HR: variants seen among roughly 807,000 people sequenced by gnomAD.
HR encodes HR lysine demethylase and nuclear receptor corepressor.
Under a neutral mutation model 128.6 loss-of-function variants are expected in HR, and 83 were observed. That is an observed-to-expected ratio of 0.65 (90% CI 0.54 to 0.77). HR has a LOEUF of 0.77. HR is among the 30% of genes least tolerant of loss of function. The pLI is 0.00. For synonymous variants in HR, 681 were observed against 658.2 expected (o/e 1.03, Z -0.53); for missense variants, 1,490 against 1,574.6 (o/e 0.95, Z 0.91).
chr8:22,125,656 C>G lies in HR; in HGVS notation c.1482G>C (p.Leu494=). The change falls in exon 4 of 19, where the codon CTG becomes CTC. Residue 494 remains leucine (L), a synonymous_variant. Transcript: ENST00000381418. ...DIPCLALPAK[L]AQCQSCAQAA... The stretch of plus-strand genomic sequence containing the variant: ...CCTGGGCACAACTTTGGCATTGAGC[C>G]AGTTTTGCAGGGAGAGCCAGGCATG... 6.2e-7 allele frequency: 1 copy of G among 1,613,360 alleles called. No individual in the cohort carries two copies. Among genetic ancestry groups the G allele is most frequent in the Non-Finnish European group, 8.5e-7 (1 of 1,179,822 alleles).
At position 22,120,483 on chromosome 8, in the gene HR, T is replaced by C; in HGVS notation, c.2635A>G (p.Arg879Gly). 6.2e-7 allele frequency: 1 copy of C among 1,613,932 alleles called. No homozygotes were observed. The highest frequency in any genetic ancestry group is 8.5e-7 in the Non-Finnish European group (1 of 1,180,014). Residue 879 changes from arginine (R) to glycine (G), a missense_variant, in exon 12 of 19, where the codon AGG (arginine) becomes GGG (glycine). Around this residue, in one of 3 missense-constraint regions of HR, gnomAD observed 423 missense variants for 495.9 expected, o/e 0.85. Coordinates refer to ENST00000381418, the MANE Select transcript of HR (RefSeq NM_005144.5). Reference protein sequence around the residue: ...GQPVLVSGIQRTLQGNLWGTE... With the variant: ...GQPVLVSGIQGTLQGNLWGTE... Reference sequence around the variant, plus strand: ...CCCCACAGGTTGCCCTGCAATGTCCTTTGGATCCCTGACACCAACACAGGC... The same window carrying C: ...CCCCACAGGTTGCCCTGCAATGTCCCTTGGATCCCTGACACCAACACAGGC...
chr8:22,128,931 G>A lies in HR; in HGVS notation c.240C>T (p.Gly80=), dbSNP rs1033511137. Residue 80 remains glycine, a synonymous_variant, in exon 2 of 19, where the codon GGC becomes GGT. Transcript: ENST00000381418. Reference sequence around the variant, plus strand: ...TGACCTTCCTCTCCCCATTCTGGGGGCCCTCGCCCTCCACAAGTGGGAGCA... The same window carrying A: ...TGACCTTCCTCTCCCCATTCTGGGGACCCTCGCCCTCCACAAGTGGGAGCA... ...KDMLPLVEGE[G]PQNGERKVNW... The A allele has an allele frequency of 6.2e-7, 1 of 1,613,480 alleles. No individual in the cohort carries two copies. The highest frequency in any genetic ancestry group is 1.7e-5 in the Admixed American group (1 of 60,028).
chr8:22,115,284 G>C lies in HR; in HGVS notation c.*416C>G, dbSNP rs1826558262. The C allele has an allele frequency of 3.3e-6, 1 of 305,164 alleles. No individual in the cohort carries two copies. Among genetic ancestry groups the C allele is most frequent in the South Asian group, 3.6e-5 (1 of 28,072 alleles). The allele number at this position is 305,164 out of a possible 1,614,324, so 18.9% of individuals were successfully genotyped here. On this transcript the variant is annotated 3_prime_UTR_variant, in exon 19 of 19. Transcript: ENST00000381418. ...CAGTGAGCCCAGTGAGGATGCGGTG[G>C]TAGAAACGGAGCTGGGGCAGTAGAG...
In HR at chr8:22,125,350, G is replaced by T. The variant is rs199660931; in HGVS notation, c.1711C>A (p.Arg571=). The T allele has an allele frequency of 6.2e-7, 1 of 1,601,016 alleles. No homozygotes were observed. Among genetic ancestry groups the T allele is most frequent in the South Asian group, 1.1e-5 (1 of 88,634 alleles). ...CAAGCCAGGGCCTCCCGCTCCCTCCGCAGCAGGCGGCACAGTCGGTCCCCC... is the reference window on the plus strand; with the variant it reads ...CAAGCCAGGGCCTCCCGCTCCCTCCTCAGCAGGCGGCACAGTCGGTCCCCC... ...GLGDRLCRLL[R]REREALAWAQ... The change falls in exon 5 of 19, where the codon CGG becomes AGG. Residue 571 remains arginine (R), a synonymous_variant. Transcript: ENST00000381418.
chr8:22,116,309 A>G lies in HR; in HGVS notation c.3498T>C (p.Leu1166=), dbSNP rs1276496805. The G allele has an allele frequency of 1.9e-6, 3 of 1,612,216 alleles. No individual in the cohort carries two copies. In the Admixed American group the frequency reaches 5.0e-5, roughly 27 times the overall value. Residue 1166 remains leucine, a synonymous_variant, in exon 18 of 19, where the codon CTT becomes CTC. Coordinates refer to ENST00000381418, the MANE Select transcript of HR (RefSeq NM_005144.5). The surrounding 1 kb of genome is among the most constrained non-coding windows in gnomAD (Gnocchi z 4.2). The part of the protein sequence containing the change: ...GPSLPPDCHL[L]YAQMDWAVFQ... ...CCCACATCCCACTCACCTGGGCATA[A>G]AGCAGGTGGCAGTCAGGGGGAAGGC...
Position 22,125,390 on chromosome 8 carries a change from G to T in HR, c.1671C>A (p.His557Gln), listed in dbSNP as rs558300129. ...GTCGGTCCCCCAAACCACTGAGCAG[G>T]TGCTTGGCGAGGCCTGTGCTGAGCC... ...DSRLSTGLAK[H>Q]LLSGLGDRLC... Residue 557 changes from histidine (H) to glutamine (Q), a missense_variant, in exon 5 of 19, where the codon CAC becomes CAA. His to Gln is a conservative substitution (Grantham distance 24). Coordinates refer to ENST00000381418, the MANE Select transcript of HR (RefSeq NM_005144.5). 6 of 1,611,148 alleles carry T rather than the reference G, an allele frequency of 3.7e-6. No homozygotes were observed. The African/African-American group carries it at 8.0e-5, about 21-fold the overall frequency.
Position 22,127,350 on chromosome 8 carries a change from CT to C in HR, c.1091del (p.Lys364ArgfsTer16), listed in dbSNP as rs1826923364. The C allele has an allele frequency of 7.4e-6, 12 of 1,613,296 alleles. No homozygotes were observed. The highest frequency in any genetic ancestry group is 1.0e-5 in the Non-Finnish European group (12 of 1,180,054). On this transcript the variant is annotated frameshift_variant, in exon 3 of 19. Coordinates refer to ENST00000381418, the MANE Select transcript of HR (RefSeq NM_005144.5). LOFTEE classifies it high-confidence loss of function. ...GASEPSEEVN[K>X]ASGPRACPPS... The stretch of plus-strand genomic sequence containing the variant: ...GGGGACAGGCCCTGGGGCCAGAGGC[CT>C]TGTTCACTTCCTCGCTGGGTTCGCT...
Position 22,120,507 on chromosome 8 carries a change from G to C in HR, c.2611C>G (p.Pro871Ala). The change falls in exon 12 of 19, where the codon CCT becomes GCT. Residue 871 changes from proline (P) to alanine (A), a missense_variant and splice_region_variant. Coordinates refer to ENST00000381418, the MANE Select transcript of HR (RefSeq NM_005144.5). ...LFQEHWRQGQ[P>A]VLVSGIQRTL... ...CTTTGGATCCCTGACACCAACACAGGCTGTGGTGGGAAAGGAAGGAGGCCA... is the reference window on the plus strand; with the variant it reads ...CTTTGGATCCCTGACACCAACACAGCCTGTGGTGGGAAAGGAAGGAGGCCA... The C allele has an allele frequency of 6.2e-7, 1 of 1,613,750 alleles. No homozygotes were observed. Among genetic ancestry groups the C allele is most frequent in the Non-Finnish European group, 8.5e-7 (1 of 1,180,010 alleles).
At chr8:22,123,934 C>T (rs1371004420) in intron 5 of HR, 121 bp from the exon 6 acceptor site, 4 of 1,167,638 alleles carry the variant, frequency 3.4e-6, no homozygotes, top group Non-Finnish European at 2.5e-6. Flanking sequence ...ATGGAGAGGG[C>T]CCCCCCAGGG....
chr8:22,120,085 C>A lies in HR; in HGVS notation c.2846+19G>T. The A allele has an allele frequency of 6.3e-7, 1 of 1,577,788 alleles. No homozygotes were observed. The highest frequency in any genetic ancestry group is 2.3e-5 in the East Asian group (1 of 43,616). Reference sequence around the variant, plus strand: ...TGCGGTGGCGGGGAGGTAGGGCTGGCCCTTGGTGACATACACACCTGCTGG... The same window carrying A: ...TGCGGTGGCGGGGAGGTAGGGCTGGACCTTGGTGACATACACACCTGCTGG... On this transcript the variant is annotated intron_variant, in intron 13 of 18. Coordinates refer to ENST00000381418, the MANE Select transcript of HR (RefSeq NM_005144.5).
intron 7 of HR, 51 bp downstream of exon 7, chr8:22,122,739 T>A: frequency 6.6e-7 from 1 of 1,523,356 alleles, no homozygotes; most frequent in South Asian, 1.2e-5. Context: ...GGGAAGCTGG[T>A]CTCCCTCAGG....
At chr8:22,122,969 C>T (rs1826794065) in intron 6 of HR, 90 bp from the exon 7 acceptor site, 1 of 1,233,518 alleles carries the variant, frequency 8.1e-7, no homozygotes, top group Non-Finnish European at 1.2e-6. Flanking sequence ...ATACCTAAAC[C>T]AGGGGACTCA....
chr8:22,121,435 A>AG (rs1035851738), intron 9 of HR, among the ~76,000 whole-genome samples, 178 bp downstream of exon 9: 1 of 147,356 alleles, frequency 6.8e-6, no homozygotes, highest in Non-Finnish European at 1.5e-5. Flanking sequence ...AGGGGTTCAG[A>AG]GGGGGGTCTG....
chr8:22,119,034 G>C lies in HR; in HGVS notation c.3129C>G (p.Leu1043=), dbSNP rs1419637264. The change falls in exon 16 of 19, where the codon CTC becomes CTG. Residue 1043 remains leucine, a synonymous_variant. Transcript: ENST00000381418. The part of the protein sequence containing the change: ...DFLSGLDGEG[L]WSPGSQVSTV... ...TGCTGACCTGGCTGCCCGGAGACCAGAGCCCCTCCCCGTCCAGGCCTGAAA... is the reference window on the plus strand; with the variant it reads ...TGCTGACCTGGCTGCCCGGAGACCACAGCCCCTCCCCGTCCAGGCCTGAAA... 2 of 1,613,304 alleles carry C rather than the reference G, an allele frequency of 1.2e-6. No individual in the cohort carries two copies. The highest frequency in any genetic ancestry group is 2.7e-5 in the African/African-American group (2 of 75,064).
chr8:22,121,817 A>T (rs1399405862), intron 8 of HR, 123 bp from the exon 9 acceptor site: 3 of 951,564 alleles, frequency 3.2e-6, no homozygotes, highest in African/African-American at 3.3e-5. Flanking sequence ...TGTTTATAGG[A>T]GCAAAATGCC....
chr8:22,127,316 G>T lies in HR; in HGVS notation c.1126C>A (p.His376Asn), dbSNP rs1425345198. ...SGPRACPPSH[H>N]TKLKKTWLTR... ...AGCCATGTCTTCTTCAGCTTGGTGT[G>T]GTGGCTGGGGGGACAGGCCCTGGGG... The change falls in exon 3 of 19, where the codon CAC (histidine) becomes AAC (asparagine). Residue 376 changes from histidine to asparagine, a missense_variant. Physicochemically the swap from His to Asn is moderately conservative, Grantham distance 68. Around this residue, in one of 3 missense-constraint regions of HR, gnomAD observed 1,060 missense variants for 1,060.9 expected, o/e 1.00. Coordinates refer to ENST00000381418, the MANE Select transcript of HR (RefSeq NM_005144.5). The T allele has an allele frequency of 1.2e-6, 2 of 1,613,406 alleles. No individual in the cohort carries two copies. Among genetic ancestry groups the T allele is most frequent in the Non-Finnish European group, 1.7e-6 (2 of 1,180,034 alleles).
intron 14 of HR, 144 bp downstream of exon 14, chr8:22,119,616 C>CA (rs759829347): frequency 0.065 from 59,618 of 912,074 alleles, 2 homozygotes; most frequent in Non-Finnish European, 0.072. Context: ...TCAACAACAA[C>CA]AAAAAAAAAA....
At chr8:22,125,166 CA>C in intron 5 of HR, 144 bp downstream of exon 5, 1 of 765,156 alleles carries the variant, frequency 1.3e-6, no homozygotes, top group Non-Finnish European at 2.1e-6. Flanking sequence ...CCCAGTTTGA[CA>C]CCTTCCTGAT....
Position 22,128,632 on chromosome 8 carries a change from G to T in HR, c.539C>A (p.Pro180His). The T allele has an allele frequency of 6.2e-7, 1 of 1,600,140 alleles. No individual in the cohort carries two copies. Among genetic ancestry groups the T allele is most frequent in the Non-Finnish European group, 8.5e-7 (1 of 1,174,374 alleles). Residue 180 changes from proline (P) to histidine (H), a missense_variant, in exon 2 of 19, where the codon CCC (proline) becomes CAC (histidine). Physicochemically the swap from Pro to His is moderately conservative, Grantham distance 77 (BLOSUM62 -2). Coordinates refer to ENST00000381418, the MANE Select transcript of HR (RefSeq NM_005144.5). ...GLPPEHPCDWPLTPHPWVYSG... is the reference protein window; with the variant it reads ...GLPPEHPCDWHLTPHPWVYSG... ...GTATACCCAGGGGTGCGGGGTCAGG[G>T]GCCAGTCACATGGATGCTCTGGGGG... is the stretch of plus-strand genomic sequence containing the variant.
Sources: gnomAD v4.1 joint callset for allele counts (sites outside exome capture counted in the v4.1 genomes callset) on GRCh38, gnomAD v4.1.1 for gene constraint, gnomAD v4.1.1 regional missense constraint, Gnocchi (gnomAD v3.1) non-coding constraint, MANE v1.5 for transcripts, NCBI Gene and HGNC (gene_info 2026-07-23, HGNC 2026-07-21) for gene names.